Variants in CPEB3 observed in about 807,000 individuals in gnomAD.
The protein encoded by CPEB3 is cytoplasmic polyadenylation element binding protein 3.
CPEB3 carries 20 observed loss-of-function variants against 67.2 expected under a neutral mutation model. The ratio of observed to expected loss-of-function variants is 0.30; its 90% CI spans 0.21 to 0.43. The LOEUF is 0.43. Ranked by LOEUF, CPEB3 falls within the 20% of genes least tolerant of loss-of-function variation. The pLI is 1.00. For synonymous variants in CPEB3, 376 were observed against 393.1 expected, an observed-to-expected ratio of 0.96 and a Z score of 0.51; for missense variants, 746 against 968.6, an observed-to-expected ratio of 0.77 and a Z score of 3.05.
chr10:92,222,819 C>T (rs1306631445), intron 2 of CPEB3, among the ~76,000 whole-genome samples: 1 of 152,138 alleles, frequency 6.6e-6, no homozygotes, highest in Non-Finnish European at 1.5e-5. Context: ...TCTACACACC[C>T]CAAGCTGCAA....
At chr10:92,244,358 CTAATAA>C (rs1028134767) in intron 1 of CPEB3, among the ~76,000 whole-genome samples, 1 of 151,446 alleles carries the variant, frequency 6.6e-6, no homozygotes, top group African/African-American at 2.4e-5. Context: ...AAAAAAAAAA[CTAATAA>C]TAATAACAAT....
chr10:92,284,298 A>G (rs1051812337), intron 1 of CPEB3, among the ~76,000 whole-genome samples: 1 of 150,816 alleles, frequency 6.6e-6, no homozygotes, highest in Non-Finnish European at 1.5e-5. Flanking sequence ...CAGCCTCCCA[A>G]AGTGCTGGGA....
intron 9 of CPEB3, among the ~76,000 whole-genome samples, chr10:92,067,902 A>G (rs1236563199): frequency 6.6e-6 from 1 of 152,246 alleles, no homozygotes; most frequent in South Asian, 2.1e-4. Flanking sequence ...TCTCAGATAT[A>G]GCAAACCCAC....
chr10:92,121,547 G>GA (rs976551963), intron 6 of CPEB3, among the ~76,000 whole-genome samples: 2 of 149,248 alleles, frequency 1.3e-5, no homozygotes, highest in African/African-American at 2.5e-5. Context: ...AAAATTTGTG[G>GA]AAAAAAAACT....
chr10:92,232,110 T>C (rs1030343792), intron 2 of CPEB3, among the ~76,000 whole-genome samples: 1 of 150,340 alleles, frequency 6.7e-6, no homozygotes, highest in Non-Finnish European at 1.5e-5. Flanking sequence ...TGGAGGGCAA[T>C]AGCATGATCT....
At chr10:92,282,409 G>T (rs1443013079) in intron 1 of CPEB3, among the ~76,000 whole-genome samples, 2 of 152,210 alleles carry the variant, frequency 1.3e-5, no homozygotes, top group Non-Finnish European at 2.9e-5. Flanking sequence ...AACACTGTAG[G>T]CCAGGTGCAG....
chr10:92,174,443 C>T lies in CPEB3; in HGVS notation c.1222+6520G>A, dbSNP rs74575667. 5.4e-3 allele frequency among the ~76,000 whole-genome samples: 829 copies of T among 152,172 alleles called. 5 individuals are homozygous for T. The highest frequency in any genetic ancestry group is 0.019 in the African/African-American group (786 of 41,500). ...GAGGAAAATGTAGAAAACAGAATAACCTAAAGTTCCAAGTTTCTTGGTGTA... is the reference window on the plus strand; with the variant it reads ...GAGGAAAATGTAGAAAACAGAATAATCTAAAGTTCCAAGTTTCTTGGTGTA... On this transcript the variant is annotated intron_variant, in intron 4 of 9. Coordinates refer to ENST00000265997, the MANE Select transcript of CPEB3 (RefSeq NM_014912.5).
intron 8 of CPEB3, among the ~76,000 whole-genome samples, chr10:92,085,209 A>G (rs1843321563): frequency 6.6e-6 from 1 of 152,220 alleles, no homozygotes; most frequent in Non-Finnish European, 1.5e-5. Context: ...ATAGGTATAT[A>G]GTTCACGAGG....
At chr10:92,053,622 A>C (rs1470603760) in intron 9 of CPEB3, among the ~76,000 whole-genome samples, 2 of 151,504 alleles carry the variant, frequency 1.3e-5, no homozygotes, top group Admixed American at 1.3e-4. Context: ...GCTCACTGCA[A>C]GCTCCGCCTC....
At chr10:92,193,335 A>T (rs1024691066) in intron 2 of CPEB3, among the ~76,000 whole-genome samples, 1 of 152,246 alleles carries the variant, frequency 6.6e-6, no homozygotes, top group Non-Finnish European at 1.5e-5. Context: ...TTTCTCGCAA[A>T]GGAACTAAAA....
At chr10:92,205,368 T>C (rs1353276939) in intron 2 of CPEB3, among the ~76,000 whole-genome samples, 1 of 152,104 alleles carries the variant, frequency 6.6e-6, no homozygotes, top group Non-Finnish European at 1.5e-5. Flanking sequence ...TGCTGATGAG[T>C]ATCTCATTGG....
chr10:92,070,835 T>C (rs1246972991), intron 9 of CPEB3, among the ~76,000 whole-genome samples: 1 of 139,004 alleles, frequency 7.2e-6, no homozygotes, highest in East Asian at 2.1e-4. Flanking sequence ...TATATAAGCT[T>C]CAAGTCAGTG....
Position 92,179,557 on chromosome 10 carries a change from T to C in CPEB3, c.1222+1406A>G, listed in dbSNP as rs1327682864. ...AGTTCAGCAAGTTAAGCATGTTTAT[T>C]AATTCCCATCGACTAGAAAAAAAGT... On this transcript the variant is annotated intron_variant, in intron 4 of 9. Coordinates refer to ENST00000265997, the MANE Select transcript of CPEB3 (RefSeq NM_014912.5). 5.3e-5 allele frequency among the ~76,000 whole-genome samples: 8 copies of C among 152,344 alleles called. No individual in the cohort carries two copies. The East Asian group carries it at 1.5e-3, about 29-fold the overall frequency.
chr10:92,284,040 CTT>C (rs1229950152), intron 1 of CPEB3, among the ~76,000 whole-genome samples: 8 of 100,018 alleles, frequency 8.0e-5, no homozygotes, highest in Non-Finnish European at 6.3e-5. Context: ...AATGGGGTCT[CTT>C]TTTTTTTTTT....
intron 4 of CPEB3, among the ~76,000 whole-genome samples, chr10:92,173,561 G>T (rs542129125): frequency 1.3e-5 from 2 of 152,136 alleles, no homozygotes; most frequent in South Asian, 4.2e-4. Flanking sequence ...TTGTGTTAAG[G>T]TAGTAAATAA....
chr10:92,068,181 A>G (rs1842626800), intron 9 of CPEB3, among the ~76,000 whole-genome samples: 1 of 152,170 alleles, frequency 6.6e-6, no homozygotes, highest in Admixed American at 6.5e-5. Context: ...TGCTCTGTTT[A>G]GCCTTAAGAT....
intron 4 of CPEB3, among the ~76,000 whole-genome samples, chr10:92,166,162 G>A (rs994948560): frequency 7.3e-5 from 11 of 150,492 alleles, no homozygotes; most frequent in African/African-American, 2.5e-4. Flanking sequence ...AGGCTAGAGT[G>A]CAGTGGCGTG....
intron 2 of CPEB3, among the ~76,000 whole-genome samples, chr10:92,202,067 C>T (rs1390911686): frequency 6.6e-6 from 1 of 152,072 alleles, no homozygotes; most frequent in East Asian, 1.9e-4. Context: ...AAGAACTACT[C>T]ATTTACTAGA....
intron 7 of CPEB3, among the ~76,000 whole-genome samples, chr10:92,104,654 G>A (rs546957902): frequency 3.4e-4 from 51 of 152,048 alleles, no homozygotes; most frequent in Non-Finnish European, 3.5e-4. Context: ...CCAAAATGCT[G>A]GGATTATAGT....
Sources: allele counts gnomAD v4.1 joint callset (sites outside exome capture counted in the v4.1 genomes callset), GRCh38; gene constraint gnomAD v4.1.1; transcripts MANE v1.5; gene names NCBI Gene and HGNC (gene_info 2026-07-23, HGNC 2026-07-21).